MYOCOS: variants seen among roughly 807,000 people sequenced by gnomAD.
MYOCOS encodes myocilin opposite strand.
chr1:171,605,978 A>G (rs1289375781), intron 1 of MYOCOS, among the ~76,000 whole-genome samples: 1 of 152,238 alleles, frequency 6.6e-6, no homozygotes, highest in Non-Finnish European at 1.5e-5. Context: ...TGTTGTCTAA[A>G]CATAAATAAT....
intron 1 of MYOCOS, among the ~76,000 whole-genome samples, chr1:171,603,113 C>A (rs1473391098): frequency 6.6e-6 from 1 of 152,222 alleles, no homozygotes; most frequent in Non-Finnish European, 1.5e-5. Flanking sequence ...ATCCCGAAGT[C>A]CCTGCAGGTC....
intron 2 of MYOCOS, among the ~76,000 whole-genome samples, chr1:171,615,698 T>C (rs1451977795): frequency 2.1e-5 from 3 of 140,416 alleles, no homozygotes; most frequent in Non-Finnish European, 4.6e-5. Context: ...ATGCAGCCCC[T>C]GTCACGTACC....
upstream of MYOCOS, among the ~76,000 whole-genome samples, chr1:171,621,480 A>C (rs1187518037): frequency 7.0e-6 from 1 of 143,070 alleles, no homozygotes; most frequent in African/African-American, 2.6e-5. Flanking sequence ...GGTTCACGCC[A>C]TTCTCCTGCC....
At chr1:171,602,847 G>A (rs1196642938) in intron 1 of MYOCOS, among the ~76,000 whole-genome samples, 1 of 152,168 alleles carries the variant, frequency 6.6e-6, no homozygotes, top group Non-Finnish European at 1.5e-5. Context: ...GATCATAGAA[G>A]TTAAAGACTT....
At chr1:171,610,902 T>C (rs917562990) in intron 1 of MYOCOS, among the ~76,000 whole-genome samples, 6 of 152,242 alleles carry the variant, frequency 3.9e-5, no homozygotes, top group Non-Finnish European at 7.3e-5. Context: ...CTATTTTATA[T>C]ACAATACATG....
chr1:171,607,179 A>G (rs955840145), intron 1 of MYOCOS, among the ~76,000 whole-genome samples: 9 of 151,738 alleles, frequency 5.9e-5, no homozygotes, highest in African/African-American at 2.2e-4. Flanking sequence ...AGATGATTCT[A>G]TCTTCCTTGC....
At chr1:171,615,509 C>G (rs1652430100) in intron 2 of MYOCOS, among the ~76,000 whole-genome samples, 1 of 152,210 alleles carries the variant, frequency 6.6e-6, no homozygotes, top group Non-Finnish European at 1.5e-5. Flanking sequence ...GAAGTAAAAT[C>G]AAAGACAGGC....
chr1:171,609,211 C>T (rs1454188226), intron 1 of MYOCOS, among the ~76,000 whole-genome samples: 1 of 152,228 alleles, frequency 6.6e-6, no homozygotes, highest in Non-Finnish European at 1.5e-5. Context: ...CTGGAAGCTA[C>T]ACTTGTTTAT....
At chr1:171,624,710 G>A (rs902009861) in intron 2 of MYOCOS, among the ~76,000 whole-genome samples, 3 of 152,042 alleles carry the variant, frequency 2.0e-5, no homozygotes, top group Non-Finnish European at 4.4e-5. Context: ...GCCTCCCAAA[G>A]TGCTGGGATT....
At chr1:171,609,847 T>A (rs1659394782) in intron 1 of MYOCOS, among the ~76,000 whole-genome samples, 1 of 152,222 alleles carries the variant, frequency 6.6e-6, no homozygotes, top group Non-Finnish European at 1.5e-5. Context: ...GGAATGCAGG[T>A]GCAGCTTAAC....
At chr1:171,609,345 C>T (rs1028207408) in intron 1 of MYOCOS, among the ~76,000 whole-genome samples, 8 of 152,348 alleles carry the variant, frequency 5.3e-5, no homozygotes, top group African/African-American at 1.9e-4. Context: ...TGCTGTATAA[C>T]TTCTTTCCTT....
At position 171,623,145 on chromosome 1, in the gene MYOCOS, C is replaced by T. The variant is rs564030014; in HGVS notation, c.-43-696C>T. Among the ~76,000 whole-genome samples the T allele has an allele frequency of 4.0e-3, 602 of 152,056 alleles. 6 individuals are homozygous for T. The highest frequency in any genetic ancestry group is 3.1e-3 in the Non-Finnish European group (211 of 67,960). On this transcript the variant is annotated intron_variant, in intron 1 of 2. Transcript: ENST00000637642. ...TTGGGAGGCTGAGACTGCAGTGAAC[C>T]GAGACAGCTCTGCTACACTCCAGCC...
At chr1:171,603,661 G>A (rs867837897) in intron 1 of MYOCOS, among the ~76,000 whole-genome samples, 63 of 152,230 alleles carry the variant, frequency 4.1e-4, no homozygotes, top group African/African-American at 1.5e-3. Flanking sequence ...CCCGCCATGA[G>A]GCTACCTGAC....
intron 1 of MYOCOS, among the ~76,000 whole-genome samples, chr1:171,603,510 CT>C (rs1652183177): frequency 6.6e-6 from 1 of 152,180 alleles, no homozygotes; most frequent in African/African-American, 2.4e-5. Flanking sequence ...CAATTTAAAG[CT>C]TGAAATCAAA....
At chr1:171,611,307 G>A (rs1381654447) in intron 1 of MYOCOS, among the ~76,000 whole-genome samples, 1 of 152,118 alleles carries the variant, frequency 6.6e-6, no homozygotes, top group Non-Finnish European at 1.5e-5. Context: ...TAATATGGGG[G>A]TCTGGGCTAC....
intron 1 of MYOCOS, among the ~76,000 whole-genome samples, chr1:171,604,760 G>C (rs988757000): frequency 6.6e-6 from 1 of 152,162 alleles, no homozygotes; most frequent in Non-Finnish European, 1.5e-5. Flanking sequence ...TCATATTTAT[G>C]TAAGATGTGT....
chr1:171,620,833 G>A (rs1237411273), upstream of MYOCOS, among the ~76,000 whole-genome samples: 7 of 147,766 alleles, frequency 4.7e-5, no homozygotes, highest in African/African-American at 1.5e-4. Flanking sequence ...GTGCAGTGGC[G>A]ATCTTGGCTC....
intron 1 of MYOCOS, among the ~76,000 whole-genome samples, chr1:171,610,200 C>T (rs558375170): frequency 4.6e-5 from 7 of 152,322 alleles, no homozygotes; most frequent in Admixed American, 3.9e-4. Context: ...AGAGATTACA[C>T]AAAGATGTGA....
chr1:171,618,583 G>T (rs1652492308), upstream of MYOCOS, among the ~76,000 whole-genome samples: 1 of 151,870 alleles, frequency 6.6e-6, no homozygotes, highest in Admixed American at 6.6e-5. Flanking sequence ...TTGTTTGTTT[G>T]TTTGTTTTTT....
Sources: allele counts gnomAD v4.1 joint callset (sites outside exome capture counted in the v4.1 genomes callset), GRCh38; gene constraint gnomAD v4.1.1; transcripts MANE v1.5; gene names NCBI Gene and HGNC (gene_info 2026-07-23, HGNC 2026-07-21).